Variants in EXOC4 observed in about 807,000 individuals in gnomAD.
The protein encoded by EXOC4 is exocyst complex component 4, also known as SEC8-like 1.
EXOC4 carries 71 observed loss-of-function variants against 107.2 expected under a neutral mutation model. The observed-to-expected ratio is 0.66, with a 90% CI of 0.55 to 0.81. EXOC4 has a LOEUF of 0.81. EXOC4 is among the 30% of genes least tolerant of loss of function. EXOC4 has a pLI of 0.00. For synonymous variants in EXOC4, 456 were observed against 441.2 expected, an observed-to-expected ratio of 1.03 and a Z score of -0.42; for missense variants, 1,108 against 1,189.6, an observed-to-expected ratio of 0.93 and a Z score of 1.01.
At chr7:133,805,864 G>A (rs1797063769) in intron 10 of EXOC4, among the ~76,000 whole-genome samples, 6 of 152,204 alleles carry the variant, frequency 3.9e-5, no homozygotes, top group Admixed American at 2.6e-4. Flanking sequence ...AATCAGTTAG[G>A]AGATTATTTT....
intron 11 of EXOC4, among the ~76,000 whole-genome samples, chr7:133,880,359 A>G (rs1162682388): frequency 6.6e-6 from 1 of 152,192 alleles, no homozygotes; most frequent in Non-Finnish European, 1.5e-5. Context: ...TCTTCTATTT[A>G]GCTGAATAAC....
chr7:134,052,546 A>G (rs955807200), intron 17 of EXOC4, among the ~76,000 whole-genome samples: 10 of 152,036 alleles, frequency 6.6e-5, no homozygotes, highest in African/African-American at 2.4e-4. Context: ...ACCCATAGAG[A>G]TAATATATAC....
Position 134,062,010 on chromosome 7 carries a change from C to T in EXOC4, c.2688-2281C>T, listed in dbSNP as rs535670715. On this transcript the variant is annotated intron_variant, in intron 17 of 17. Coordinates refer to ENST00000253861, the MANE Select transcript of EXOC4 (RefSeq NM_021807.4). ...CCCTGGAAGTGGAGTTTTATCTCCC[C>T]TTCTACCAAGTATTTCTGTCTATAT... 4.6e-5 allele frequency among the ~76,000 whole-genome samples: 7 copies of T among 152,260 alleles called. No individual in the cohort carries two copies. The South Asian group carries it at 1.0e-3, about 23-fold the overall frequency.
At chr7:133,506,445 C>T (rs1201132067) in intron 9 of EXOC4, among the ~76,000 whole-genome samples, 2 of 152,108 alleles carry the variant, frequency 1.3e-5, no homozygotes, top group Non-Finnish European at 2.9e-5. Flanking sequence ...TCAGTTCCCT[C>T]TTGAAAGCTT....
chr7:133,489,196 G>A (rs1799326046), intron 9 of EXOC4, among the ~76,000 whole-genome samples: 1 of 152,026 alleles, frequency 6.6e-6, no homozygotes, highest in South Asian at 2.1e-4. Flanking sequence ...ATGGAGGAGG[G>A]TTGTAACCAA....
intron 10 of EXOC4, among the ~76,000 whole-genome samples, chr7:133,672,295 G>A (rs1668631592): frequency 6.6e-6 from 1 of 151,784 alleles, no homozygotes; most frequent in African/African-American, 2.4e-5. Flanking sequence ...GGAGGCTGAG[G>A]CAGGAGAATG....
At chr7:134,008,033 T>C (rs1229109035) in intron 17 of EXOC4, 198 bp downstream of exon 17, 8 of 519,118 alleles carry the variant, frequency 1.5e-5, no homozygotes, top group African/African-American at 1.5e-4. Flanking sequence ...TGGCAGATAG[T>C]TTTTCCTGAT....
chr7:133,673,044 T>G (rs562650031), intron 10 of EXOC4, among the ~76,000 whole-genome samples: 1 of 152,290 alleles, frequency 6.6e-6, no homozygotes, highest in East Asian at 1.9e-4. Context: ...ATGACTGACC[T>G]CTTACTCATC....
chr7:133,964,242 G>A (rs978361905), intron 14 of EXOC4, among the ~76,000 whole-genome samples: 36 of 152,122 alleles, frequency 2.4e-4, no homozygotes, highest in Admixed American at 1.4e-3. Context: ...TGTCCAGTTC[G>A]TTATGTCAGA....
In EXOC4 at chr7:133,480,030, T is replaced by A; in HGVS notation, c.1329-20T>A. 6.2e-7 allele frequency: 1 copy of A among 1,607,164 alleles called. No individual in the cohort carries two copies. Among genetic ancestry groups the A allele is most frequent in the Non-Finnish European group, 8.5e-7 (1 of 1,173,752 alleles). On this transcript the variant is annotated intron_variant, in intron 8 of 17. Coordinates refer to ENST00000253861, the MANE Select transcript of EXOC4 (RefSeq NM_021807.4). ...ATTGGTTTACACCTGCTTGTCTGTT[T>A]CCCCTGTGTTTCTCTGCAGGTTCGA...
At chr7:133,736,781 A>G (rs1362394845) in intron 10 of EXOC4, among the ~76,000 whole-genome samples, 1 of 152,120 alleles carries the variant, frequency 6.6e-6, no homozygotes, top group African/African-American at 2.4e-5. Context: ...GTCTAGAGTA[A>G]TGATCTTATT....
At chr7:133,821,616 T>C (rs1025149456) in intron 11 of EXOC4, among the ~76,000 whole-genome samples, 2 of 152,238 alleles carry the variant, frequency 1.3e-5, no homozygotes, top group South Asian at 4.1e-4. Flanking sequence ...AAAGTATCAA[T>C]GTGCAACTGA....
At chr7:133,485,270 T>C (rs940787118) in intron 9 of EXOC4, among the ~76,000 whole-genome samples, 2 of 151,902 alleles carry the variant, frequency 1.3e-5, no homozygotes, top group Non-Finnish European at 2.9e-5. Context: ...TGACCTCTGC[T>C]TGGTAGACTT....
At chr7:133,312,696 A>G (rs1794901642) in intron 4 of EXOC4, among the ~76,000 whole-genome samples, 1 of 151,560 alleles carries the variant, frequency 6.6e-6, no homozygotes, top group African/African-American at 2.4e-5. Context: ...ATGGACAGAC[A>G]CTCATTTTTA....
At chr7:133,487,997 A>G (rs902822413) in intron 9 of EXOC4, among the ~76,000 whole-genome samples, 1 of 152,310 alleles carries the variant, frequency 6.6e-6, no homozygotes, top group South Asian at 2.1e-4. Flanking sequence ...GAAGACCACA[A>G]ACATTTATGG....
chr7:133,441,774 A>C (rs572819610), intron 7 of EXOC4, among the ~76,000 whole-genome samples: 133 of 152,306 alleles, frequency 8.7e-4, no homozygotes, highest in African/African-American at 3.0e-3. Flanking sequence ...TATGGCTTGC[A>C]AATGATACAG....
intron 7 of EXOC4, among the ~76,000 whole-genome samples, chr7:133,439,217 G>A (rs566752835): frequency 8.1e-5 from 9 of 111,790 alleles, no homozygotes; most frequent in Middle Eastern, 0.011. Flanking sequence ...ATGGAGTCTC[G>A]CTGTCTCGCC....
chr7:134,037,012 A>G (rs1000167500), intron 17 of EXOC4, among the ~76,000 whole-genome samples: 3 of 152,208 alleles, frequency 2.0e-5, no homozygotes, highest in African/African-American at 4.8e-5. Context: ...TATTCTTCCT[A>G]TTGTAATGTG....
At chr7:134,060,770 C>A (rs1176117704) in intron 17 of EXOC4, among the ~76,000 whole-genome samples, 2 of 152,116 alleles carry the variant, frequency 1.3e-5, no homozygotes, top group Admixed American at 6.5e-5. Context: ...TCCTGGGTAC[C>A]ATTCTGAAAG....
Sources: allele counts gnomAD v4.1 joint callset (sites outside exome capture counted in the v4.1 genomes callset), GRCh38; gene constraint gnomAD v4.1.1; transcripts MANE v1.5; gene names NCBI Gene and HGNC (gene_info 2026-07-23, HGNC 2026-07-21).